LY96: variants seen among roughly 807,000 people sequenced by gnomAD.
The protein encoded by LY96 is lymphocyte antigen 96.
In LY96, 18 loss-of-function variants were observed where a neutral mutation model predicts 18.9. The observed-to-expected ratio is 0.95, with a 90% CI of 0.66 to 1.41. The LOEUF is 1.41. Ranked by LOEUF, LY96 falls within the 40% of genes most tolerant of loss-of-function variation. The pLI is 0.00. For missense variants in LY96, 175 were observed against 182.4 expected, an observed-to-expected ratio of 0.96 and a Z score of 0.23; for synonymous variants, 66 against 62.6, an observed-to-expected ratio of 1.06 and a Z score of -0.26.
Position 73,993,940 on chromosome 8 carries a change from T to G in LY96, c.112+2386T>G, listed in dbSNP as rs571106248. Among the ~76,000 whole-genome samples, 31 of 152,164 alleles carry G rather than the reference T, an allele frequency of 2.0e-4. 1 individual carries two copies. The highest frequency in any genetic ancestry group is 1.8e-3 in the Admixed American group (28 of 15,260). On this transcript the variant is annotated intron_variant, in intron 1 of 4. Transcript: ENST00000284818. ...CTCAATTGTATTAAGTATATGCACA[T>G]TGCTGTGAAACCATCACCGTTGGTG...
At chr8:73,996,365 C>CTTCA (rs1169558035) in intron 1 of LY96, among the ~76,000 whole-genome samples, 115 of 120,138 alleles carry the variant, frequency 9.6e-4, no homozygotes, top group African/African-American at 3.3e-3. Flanking sequence ...TCCTTCCTTC[C>CTTCA]TTCATTCCTT....
intron 3 of LY96, 63 bp downstream of exon 3, chr8:74,010,192 A>C: frequency 6.9e-7 from 1 of 1,452,318 alleles, no homozygotes. Flanking sequence ...ATGTTATGAA[A>C]ATTAAATACA....
chr8:74,011,711 T>C (rs961938213), intron 3 of LY96, among the ~76,000 whole-genome samples: 1 of 152,000 alleles, frequency 6.6e-6, no homozygotes, highest in African/African-American at 2.4e-5. Flanking sequence ...CTACAAAAAT[T>C]AGCCAGGTGT....
the LY96 span, among the ~76,000 whole-genome samples, chr8:74,094,075 G>A: frequency 7.5e-4 from 114 of 152,182 alleles, no homozygotes; most frequent in African/African-American, 2.6e-3. Flanking sequence ...GTCCATTTAT[G>A]ACTCAAGTAT....
chr8:74,055,387 C>A, the LY96 span, among the ~76,000 whole-genome samples: 3 of 152,090 alleles, frequency 2.0e-5, no homozygotes, highest in East Asian at 1.9e-4. Flanking sequence ...AATTTCATGA[C>A]CTTGGGCAAG....
At chr8:74,068,089 A>AAATATATATATATATATAT in the LY96 span, among the ~76,000 whole-genome samples, 1 of 67,932 alleles carries the variant, frequency 1.5e-5, no homozygotes, top group African/African-American at 9.6e-5. Context: ...AAAAAAAAAA[A>AAATATATATATATATATAT]ATATATATAT....
At chr8:73,991,703 G>C in intron 1 of LY96, 149 bp downstream of exon 1, 1 of 619,114 alleles carries the variant, frequency 1.6e-6, no homozygotes, top group Non-Finnish European at 3.0e-6. Flanking sequence ...AAAAGCAATA[G>C]CTGGCAGCTG....
chr8:74,016,153 C>T (rs1365564783), intron 3 of LY96, among the ~76,000 whole-genome samples: 3 of 152,206 alleles, frequency 2.0e-5, no homozygotes, highest in African/African-American at 7.2e-5. Context: ...TGGGACACTC[C>T]CACCTTAATA....
At chr8:74,024,577 A>T (rs1816829861) in intron 3 of LY96, among the ~76,000 whole-genome samples, 1 of 152,086 alleles carries the variant, frequency 6.6e-6, no homozygotes, top group Non-Finnish European at 1.5e-5. Flanking sequence ...TAATAATCCT[A>T]TGAGATACGT....
the LY96 span, among the ~76,000 whole-genome samples, chr8:74,040,830 G>A: frequency 3.3e-5 from 5 of 149,946 alleles, no homozygotes; most frequent in African/African-American, 4.9e-5. Context: ...AGCCTCCCAC[G>A]TAGCTAGGAC....
In LY96 at chr8:74,010,137, T is replaced by G; in HGVS notation, c.331+8T>G. On this transcript the variant is annotated splice_region_variant and intron_variant, in intron 3 of 4. Transcript: ENST00000284818. ...GCAGAGCTCTGAAGGGAGGTAAGTATTCAGTTCATATTACTTTTAGAATAG... is the reference window on the plus strand; with the variant it reads ...GCAGAGCTCTGAAGGGAGGTAAGTAGTCAGTTCATATTACTTTTAGAATAG... 6.2e-7 allele frequency: 1 copy of G among 1,609,838 alleles called. No homozygotes were observed. The highest frequency in any genetic ancestry group is 1.3e-5 in the African/African-American group (1 of 74,974).
the LY96 span, among the ~76,000 whole-genome samples, chr8:74,058,124 T>C: frequency 4.0e-4 from 61 of 152,192 alleles, no homozygotes; most frequent in Non-Finnish European, 7.6e-4. Flanking sequence ...GCATATTAGA[T>C]AGATGCTCCA....
chr8:74,002,026 C>T (rs1454921211), intron 1 of LY96, among the ~76,000 whole-genome samples: 1,026 of 19,460 alleles, frequency 0.053, no homozygotes, highest in African/African-American at 0.076. Context: ...TTCCTTCCTT[C>T]CTTCCTTCCT....
chr8:74,093,653 G>A, the LY96 span, among the ~76,000 whole-genome samples: 1 of 152,166 alleles, frequency 6.6e-6, no homozygotes, highest in African/African-American at 2.4e-5. Flanking sequence ...CATGAGACAA[G>A]CACCCAGAAT....
the LY96 span, among the ~76,000 whole-genome samples, chr8:74,071,065 A>G: frequency 6.6e-6 from 1 of 152,158 alleles, no homozygotes; most frequent in Non-Finnish European, 1.5e-5. Context: ...TGAAACTGAG[A>G]GACTAGTAAC....
intron 2 of LY96, among the ~76,000 whole-genome samples, chr8:74,008,479 C>T (rs1816462240): frequency 6.6e-6 from 1 of 152,196 alleles, no homozygotes; most frequent in Non-Finnish European, 1.5e-5. Flanking sequence ...TATTCTTCTC[C>T]ACACCCTACC....
the LY96 span, among the ~76,000 whole-genome samples, chr8:74,089,135 C>A: frequency 6.6e-6 from 1 of 152,122 alleles, no homozygotes; most frequent in Non-Finnish European, 1.5e-5. Context: ...ACCTCAGGGG[C>A]GAAGCTTCCT....
chr8:74,093,793 G>C, the LY96 span, among the ~76,000 whole-genome samples: 4 of 151,986 alleles, frequency 2.6e-5, no homozygotes, highest in Non-Finnish European at 5.9e-5. Flanking sequence ...ACCCTCTGCA[G>C]GTTGCTTATA....
the LY96 span, among the ~76,000 whole-genome samples, chr8:74,096,654 T>C: frequency 1.3e-5 from 2 of 152,212 alleles, no homozygotes; most frequent in Non-Finnish European, 2.9e-5. Context: ...CTTTTGACAA[T>C]TGTCAGCCAT....
Sources: gnomAD v4.1 joint callset for allele counts (sites outside exome capture counted in the v4.1 genomes callset) on GRCh38, gnomAD v4.1.1 for gene constraint, MANE v1.5 for transcripts, NCBI Gene and HGNC (gene_info 2026-07-23, HGNC 2026-07-21) for gene names.